Variants in SLC24A3 observed in about 807,000 individuals in gnomAD.
The protein encoded by SLC24A3 is solute carrier family 24 member 3.
Under a neutral mutation model 75.8 loss-of-function variants are expected in SLC24A3, and 28 were observed. The observed-to-expected ratio is 0.37, with a 90% CI of 0.27 to 0.51. The LOEUF is 0.51. Ranked by LOEUF, SLC24A3 falls within the 20% of genes least tolerant of loss-of-function variation. The pLI is 0.94. For missense variants in SLC24A3, 663 were observed against 847.8 expected, an observed-to-expected ratio of 0.78 and a Z score of 2.71; for synonymous variants, 372 against 334.1, an observed-to-expected ratio of 1.11 and a Z score of -1.24.
At chr20:19,347,396 A>G (rs1985452307) in intron 2 of SLC24A3, among the ~76,000 whole-genome samples, 1 of 152,224 alleles carries the variant, frequency 6.6e-6, no homozygotes, top group Non-Finnish European at 1.5e-5. Context: ...ATAATGTATC[A>G]ATATTGGTTA....
intron 3 of SLC24A3, among the ~76,000 whole-genome samples, chr20:19,531,866 A>C (rs1405922860): frequency 6.6e-6 from 1 of 152,198 alleles, no homozygotes; most frequent in East Asian, 1.9e-4. Context: ...TCTGATGTCC[A>C]TTTTGCAGAT....
At chr20:19,504,250 T>C (rs2294895) in intron 2 of SLC24A3, among the ~76,000 whole-genome samples, 36,319 of 152,116 alleles carry the variant, frequency 0.24, 4,687 homozygotes, top group East Asian at 0.5. Context: ...GAAACTTTTG[T>C]GCTTTTCATG....
Position 19,483,765 on chromosome 20 carries a change from G to A in SLC24A3, c.272-31723G>A, listed in dbSNP as rs145029013. ...GCAACTGTGGGGCCAGGTTGGGTCC[G>A]TGCTGCTGGTTTCTGGCTTTCTTCT... is the stretch of plus-strand genomic sequence containing the variant. On this transcript the variant is annotated intron_variant, in intron 2 of 16. Coordinates refer to ENST00000328041, the MANE Select transcript of SLC24A3 (RefSeq NM_020689.4). 2.2e-3 allele frequency among the ~76,000 whole-genome samples: 329 copies of A among 152,224 alleles called. 2 individuals carry two copies. The highest frequency in any genetic ancestry group is 7.5e-3 in the African/African-American group (311 of 41,518).
At chr20:19,639,385 T>A (rs905245051) in intron 6 of SLC24A3, among the ~76,000 whole-genome samples, 4 of 151,866 alleles carry the variant, frequency 2.6e-5, no homozygotes, top group African/African-American at 4.8e-5. Flanking sequence ...CCCACAAGAG[T>A]AGCTAGATAC....
intron 3 of SLC24A3, among the ~76,000 whole-genome samples, chr20:19,517,659 G>C (rs1188924682): frequency 6.6e-6 from 1 of 152,178 alleles, no homozygotes; most frequent in Non-Finnish European, 1.5e-5. Context: ...AGGAGTTCAT[G>C]GACCAAGGCC....
chr20:19,231,448 A>G (rs6112263), intron 1 of SLC24A3, among the ~76,000 whole-genome samples: 24,125 of 152,186 alleles, frequency 0.16, 3,525 homozygotes, highest in East Asian at 0.81. Flanking sequence ...TGGTTCTTGT[A>G]AAACAGGGAG....
chr20:19,213,019 C>A, intron 1 of SLC24A3, 35 bp downstream of exon 1: 1 of 1,210,872 alleles, frequency 8.3e-7, no homozygotes, highest in Middle Eastern at 2.7e-4. Flanking sequence ...GTGGGCGCTG[C>A]GGCTCCGGCG....
chr20:19,325,791 T>TAGAG (rs1479182142), intron 2 of SLC24A3, among the ~76,000 whole-genome samples: 42 of 89,434 alleles, frequency 4.7e-4, no homozygotes, highest in Non-Finnish European at 7.1e-4. Flanking sequence ...TATATATATA[T>TAGAG]ATATAGAGAG....
At chr20:19,436,299 G>A (rs1987201304) in intron 2 of SLC24A3, among the ~76,000 whole-genome samples, 1 of 152,194 alleles carries the variant, frequency 6.6e-6, no homozygotes, top group Non-Finnish European at 1.5e-5. Context: ...AAAAAGCCAT[G>A]TAAAAGGACC....
intron 9 of SLC24A3, among the ~76,000 whole-genome samples, chr20:19,680,467 C>T (rs2032600874): frequency 6.6e-6 from 1 of 152,178 alleles, no homozygotes; most frequent in Non-Finnish European, 1.5e-5. Flanking sequence ...GTTCCATCAC[C>T]AGGAGGCATG....
intron 1 of SLC24A3, among the ~76,000 whole-genome samples, chr20:19,220,299 C>T (rs1332616381): frequency 6.6e-6 from 1 of 152,226 alleles, no homozygotes; most frequent in Admixed American, 6.5e-5. Flanking sequence ...GGGACTTTCA[C>T]ATTTGCAACT....
chr20:19,707,537 A>G (rs2032943705), intron 15 of SLC24A3, among the ~76,000 whole-genome samples: 3 of 152,236 alleles, frequency 2.0e-5, no homozygotes, highest in African/African-American at 7.2e-5. Context: ...TTCACTTTAC[A>G]TTTTAAGATT....
chr20:19,650,721 A>G (rs890485998), intron 6 of SLC24A3, among the ~76,000 whole-genome samples: 1 of 151,970 alleles, frequency 6.6e-6, no homozygotes, highest in Non-Finnish European at 1.5e-5. Context: ...GTTTATTATT[A>G]CTATACAACC....
intron 6 of SLC24A3, among the ~76,000 whole-genome samples, chr20:19,640,055 C>A (rs1200696029): frequency 3.3e-5 from 5 of 152,242 alleles, no homozygotes; most frequent in Admixed American, 3.3e-4. Flanking sequence ...CCTGCTGGGG[C>A]CTTGATCAGC....
chr20:19,676,950 C>T (rs11906067), intron 9 of SLC24A3, among the ~76,000 whole-genome samples: 11,009 of 152,182 alleles, frequency 0.072, 459 homozygotes, highest in Middle Eastern at 0.12. Context: ...ATCTCAGTTT[C>T]CTCTTCTGCA....
At chr20:19,366,325 C>G (rs1985891189) in intron 2 of SLC24A3, among the ~76,000 whole-genome samples, 1 of 152,180 alleles carries the variant, frequency 6.6e-6, no homozygotes. Context: ...TCCCAGCCTT[C>G]TAGAAGTGAA....
intron 2 of SLC24A3, among the ~76,000 whole-genome samples, chr20:19,470,217 C>T (rs986195936): frequency 3.3e-5 from 5 of 152,188 alleles, no homozygotes; most frequent in African/African-American, 9.7e-5. Context: ...TTTCCATCTG[C>T]TGTACAACCA....
At position 19,681,871 on chromosome 20, in the gene SLC24A3, A is replaced by G. The variant is rs202076709; in HGVS notation, c.781A>G (p.Ile261Val). 1.2e-5 allele frequency: 19 copies of G among 1,614,068 alleles called. No individual in the cohort carries two copies. Among genetic ancestry groups the G allele is most frequent in the Non-Finnish European group, 1.6e-5 (19 of 1,180,032 alleles). Residue 261 changes from isoleucine to valine, a missense_variant, in exon 10 of 17, where the codon ATA becomes GTA. By Grantham distance (29) the Ile-to-Val change is conservative. This residue lies in a region of SLC24A3 where 510 missense variants were observed against 703.6 expected (regional missense o/e 0.72). Coordinates refer to ENST00000328041, the MANE Select transcript of SLC24A3 (RefSeq NM_020689.4). ...CGCTTTGCTCAGATATAACGCTTGCATACATCAGTGCTTTGAGAGGAGGAC... is the reference window on the plus strand; with the variant it reads ...CGCTTTGCTCAGATATAACGCTTGCGTACATCAGTGCTTTGAGAGGAGGAC... ...YIVIMKYNAC[I>V]HQCFERRTKG...
intron 2 of SLC24A3, chr20:19,283,164 G>A (rs1983709310): frequency 6.6e-6 from 1 of 152,606 alleles, no homozygotes; most frequent in Non-Finnish European, 1.5e-5. Context: ...ACCGGGCTTG[G>A]TTTCTGAGGC....
Sources: allele counts gnomAD v4.1 joint callset (sites outside exome capture counted in the v4.1 genomes callset), GRCh38; gene constraint gnomAD v4.1.1; regional missense constraint gnomAD v4.1.1; transcripts MANE v1.5; gene names NCBI Gene and HGNC (gene_info 2026-07-23, HGNC 2026-07-21).